The following SOX6 variants were observed in gnomAD, a reference collection of about 807,000 sequenced individuals.
SOX6 encodes the protein SRY-box transcription factor 6.
In SOX6, 11 loss-of-function variants were observed where a neutral mutation model predicts 97.8. That is an observed-to-expected ratio of 0.11 (90% CI 0.07 to 0.19). SOX6 has a LOEUF of 0.19. SOX6 is among the 10% of genes least tolerant of loss of function. The pLI is 1.00. For missense variants in SOX6, 810 were observed against 1,039.5 expected, an observed-to-expected ratio of 0.78 and a Z score of 3.04; for synonymous variants, 360 against 371.4, an observed-to-expected ratio of 0.97 and a Z score of 0.35.
At chr11:16,059,848 G>A (rs1847903459) in intron 9 of SOX6, among the ~76,000 whole-genome samples, 1 of 151,914 alleles carries the variant, frequency 6.6e-6, no homozygotes, top group African/African-American at 2.4e-5. Context: ...AATGGGGACA[G>A]GTCAAGCTTC....
intron 3 of SOX6, among the ~76,000 whole-genome samples, chr11:16,649,254 C>T (rs1354444855): frequency 6.6e-6 from 1 of 152,130 alleles, no homozygotes; most frequent in Non-Finnish European, 1.5e-5. Flanking sequence ...CATCCAAACA[C>T]AAAAAGCTCA....
At chr11:16,220,785 T>G (rs938727677) in intron 4 of SOX6, among the ~76,000 whole-genome samples, 1 of 152,066 alleles carries the variant, frequency 6.6e-6, no homozygotes, top group Non-Finnish European at 1.5e-5. Flanking sequence ...TAACCACTTT[T>G]CAGGTTAGCA....
chr11:16,047,701 CGT>C (rs68008241), intron 11 of SOX6, among the ~76,000 whole-genome samples: 54,770 of 145,686 alleles, frequency 0.38, 11,002 homozygotes, highest in Non-Finnish European at 0.47. Flanking sequence ...CATTTCATAG[CGT>C]GTGTGTGTGT....
In SOX6 at chr11:16,049,629, G is replaced by C. The variant is rs917846210; in HGVS notation, c.1435+126C>G. The C allele has an allele frequency of 1.3e-5, 14 of 1,108,970 alleles. 1 individual carries two copies. In the Middle Eastern group the frequency reaches 9.4e-4, roughly 74 times the overall value. The allele number at this position is 1,108,970 out of a possible 1,614,324, so 68.7% of individuals were successfully genotyped here. On this transcript the variant is annotated intron_variant, in intron 11 of 15. Transcript: ENST00000683767. ...TACTAAATTGGGTTATGTTTCAGTA[G>C]AAAAGATAAGAGTATTATCTTTTAC...
intron 1 of SOX6, among the ~76,000 whole-genome samples, chr11:16,351,058 C>T (rs902828458): frequency 6.6e-6 from 1 of 152,030 alleles, no homozygotes; most frequent in South Asian, 2.1e-4. Flanking sequence ...ATTATTATAT[C>T]CATATCCCCA....
intron 1 of SOX6, among the ~76,000 whole-genome samples, chr11:16,343,102 C>T (rs937757205): frequency 1.3e-5 from 2 of 151,496 alleles, no homozygotes; most frequent in African/African-American, 4.8e-5. Flanking sequence ...CCAATGGATG[C>T]TTCTTAGTAT....
intron 6 of SOX6, among the ~76,000 whole-genome samples, chr11:16,143,108 C>T (rs1488372243): frequency 2.0e-5 from 3 of 152,128 alleles, no homozygotes; most frequent in South Asian, 4.1e-4. Context: ...AGAGAAAGGT[C>T]GGGTTACCCA....
At chr11:16,099,780 T>C (rs1402368296) in intron 7 of SOX6, among the ~76,000 whole-genome samples, 3 of 151,450 alleles carry the variant, frequency 2.0e-5, no homozygotes, top group Non-Finnish European at 4.4e-5. Context: ...CTATAGTACT[T>C]TCCAGCTCAC....
chr11:16,548,305 G>T (rs1055309318), intron 4 of SOX6, among the ~76,000 whole-genome samples: 5 of 152,126 alleles, frequency 3.3e-5, no homozygotes, highest in Admixed American at 6.6e-5. Flanking sequence ...AATACAGAAT[G>T]GCAATGTAGA....
chr11:16,576,392 C>T (rs947457382), intron 4 of SOX6, among the ~76,000 whole-genome samples: 2 of 152,232 alleles, frequency 1.3e-5, no homozygotes, highest in African/African-American at 4.8e-5. Context: ...ACTGGAAACA[C>T]ACTCACTCAT....
At chr11:16,600,031 T>A (rs1418577394) in intron 4 of SOX6, among the ~76,000 whole-genome samples, 2 of 152,214 alleles carry the variant, frequency 1.3e-5, no homozygotes, top group Non-Finnish European at 2.9e-5. Context: ...AAATACAAAT[T>A]ATCCACAGAA....
intron 1 of SOX6, among the ~76,000 whole-genome samples, chr11:16,420,112 G>A (rs999116927): frequency 3.9e-5 from 6 of 152,030 alleles, no homozygotes; most frequent in Non-Finnish European, 7.4e-5. Flanking sequence ...TTACTCTGAC[G>A]TTTTTAAGCT....
chr11:16,225,184 T>C (rs1284873541), intron 4 of SOX6, among the ~76,000 whole-genome samples: 2 of 152,022 alleles, frequency 1.3e-5, no homozygotes, highest in Non-Finnish European at 2.9e-5. Flanking sequence ...ACATTGATAG[T>C]TACTGTTTTG....
chr11:16,225,495 CAG>C (rs1852660547), intron 4 of SOX6, among the ~76,000 whole-genome samples: 2 of 105,948 alleles, frequency 1.9e-5, no homozygotes, highest in African/African-American at 3.3e-5. Context: ...AAAAAAAAAA[CAG>C]AGTATTCTGT....
intron 3 of SOX6, among the ~76,000 whole-genome samples, chr11:16,666,909 G>A (rs1847811235): frequency 6.6e-6 from 1 of 152,082 alleles, no homozygotes; most frequent in Non-Finnish European, 1.5e-5. Context: ...TGGCCTTAAA[G>A]AGAAAGTAGA....
rs546838814 is a variant in SOX6 at position 16,346,941 on chromosome 11, C to A, written c.-4-5689G>T. Among the ~76,000 whole-genome samples the A allele has an allele frequency of 4.5e-4, 68 of 152,204 alleles. 1 individual carries two copies. The South Asian group carries it at 0.014, about 31-fold the overall frequency. On this transcript the variant is annotated intron_variant, in intron 1 of 15. Transcript: ENST00000683767. ...CTCTGAGCTTCTTACAAAACAAGAA[C>A]TACCTGGAACAGATTCTTCTTAAGT...
At chr11:16,318,802 G>A (rs1307653888) in intron 2 of SOX6, 149 bp from the exon 3 acceptor site, 2 of 602,514 alleles carry the variant, frequency 3.3e-6, no homozygotes, top group African/African-American at 3.7e-5. Flanking sequence ...AACTTAGTAG[G>A]ACAAATAAAA....
chr11:16,514,843 A>C (rs1195602315), intron 4 of SOX6, among the ~76,000 whole-genome samples: 3 of 151,380 alleles, frequency 2.0e-5, no homozygotes, highest in Non-Finnish European at 4.4e-5. Flanking sequence ...GATGATTTCC[A>C]ATTTCATCCA....
At chr11:16,006,726 T>G (rs1352444600) in intron 13 of SOX6, among the ~76,000 whole-genome samples, 1 of 152,120 alleles carries the variant, frequency 6.6e-6, no homozygotes, top group East Asian at 1.9e-4. Context: ...TGCCTTAAAC[T>G]GCTTTGGTTT....
Sources: gnomAD v4.1 joint callset for allele counts (sites outside exome capture counted in the v4.1 genomes callset) on GRCh38, gnomAD v4.1.1 for gene constraint, MANE v1.5 for transcripts, NCBI Gene and HGNC (gene_info 2026-07-23, HGNC 2026-07-21) for gene names.